The following NRXN3 variants were observed in gnomAD, a reference collection of about 807,000 sequenced individuals.
NRXN3 encodes neurexin 3, also known as neurexin III.
In NRXN3, 32 loss-of-function variants were observed where a neutral mutation model predicts 137.6. That is an observed-to-expected ratio of 0.23 (90% CI 0.18 to 0.31). The LOEUF is 0.31. Ranked by LOEUF, NRXN3 falls within the 10% of genes least tolerant of loss-of-function variation. The pLI is 1.00. For missense variants in NRXN3, 1,574 were observed against 2,062.5 expected, an observed-to-expected ratio of 0.76 and a Z score of 4.59; for synonymous variants, 798 against 784.5, an observed-to-expected ratio of 1.02 and a Z score of -0.29.
At chr14:78,245,444 C>T (rs1167754612) in intron 2 of NRXN3, among the ~76,000 whole-genome samples, 1 of 152,102 alleles carries the variant, frequency 6.6e-6, no homozygotes, top group Non-Finnish European at 1.5e-5. Context: ...TGGGTGGTGC[C>T]AGGTGGGTGT....
At chr14:78,654,571 G>C (rs374738139) in intron 6 of NRXN3, among the ~76,000 whole-genome samples, 30 of 152,300 alleles carry the variant, frequency 2.0e-4, no homozygotes, top group African/African-American at 7.0e-4. Flanking sequence ...ACTTGTGTGC[G>C]TACTTCCTAA....
intron 3 of NRXN3, chr14:78,282,395 C>T (rs2074528863): frequency 3.1e-6 from 1 of 317,846 alleles, no homozygotes; most frequent in African/African-American, 2.2e-5. Flanking sequence ...CTTCTCCCTC[C>T]TGCCTGGAGG....
At chr14:79,584,034 G>T (rs1186842092) in intron 16 of NRXN3, among the ~76,000 whole-genome samples, 1 of 152,192 alleles carries the variant, frequency 6.6e-6, no homozygotes, top group Non-Finnish European at 1.5e-5. Context: ...AGTCATCATA[G>T]ACTTGCAATC....
intron 2 of NRXN3, among the ~76,000 whole-genome samples, chr14:78,246,053 C>T (rs2067627560): frequency 6.6e-6 from 1 of 152,224 alleles, no homozygotes; most frequent in Non-Finnish European, 1.5e-5. Context: ...CCCAAAGGAT[C>T]TGTTCTGTTC....
At chr14:78,835,277 G>T (rs1436560780) in intron 10 of NRXN3, among the ~76,000 whole-genome samples, 2 of 152,174 alleles carry the variant, frequency 1.3e-5, no homozygotes, top group African/African-American at 4.8e-5. Flanking sequence ...CACCCCGTAT[G>T]GGATTTACGC....
chr14:78,394,546 G>A lies in NRXN3; in HGVS notation c.757+96686G>A, dbSNP rs1229442694. On this transcript the variant is annotated intron_variant, in intron 4 of 20. Coordinates refer to ENST00000335750, the MANE Select transcript of NRXN3 (RefSeq NM_001330195.2). ...GATGTGTAGTTTTCTTTTTTGTACCGTTTTTGTCTCATTTTGGTATCACGA... is the reference window on the plus strand; with the variant it reads ...GATGTGTAGTTTTCTTTTTTGTACCATTTTTGTCTCATTTTGGTATCACGA... Among the ~76,000 whole-genome samples the A allele has an allele frequency of 2.0e-5, 3 of 151,536 alleles. 1 individual carries two copies. Among genetic ancestry groups the A allele is most frequent in the South Asian group, 4.2e-4 (2 of 4,806 alleles).
chr14:78,948,572 C>T (rs1407896618), intron 10 of NRXN3, among the ~76,000 whole-genome samples: 6 of 150,924 alleles, frequency 4.0e-5, no homozygotes, highest in South Asian at 4.2e-4. Context: ...CTGCTGGAAG[C>T]GCATACAAAT....
intron 15 of NRXN3, among the ~76,000 whole-genome samples, chr14:79,053,506 C>T (rs1464975776): frequency 1.3e-5 from 2 of 151,958 alleles, no homozygotes. Flanking sequence ...GAAGAAAGGT[C>T]AAAAGAAAGG....
intron 16 of NRXN3, among the ~76,000 whole-genome samples, chr14:79,529,604 T>G (rs1296534179): frequency 1.3e-5 from 2 of 152,242 alleles, no homozygotes; most frequent in Non-Finnish European, 2.9e-5. Flanking sequence ...ATAGCAATTT[T>G]TCAAGTGTGT....
chr14:79,606,771 G>A (rs1430761725), intron 16 of NRXN3, among the ~76,000 whole-genome samples: 1 of 152,152 alleles, frequency 6.6e-6, no homozygotes, highest in Non-Finnish European at 1.5e-5. Flanking sequence ...GGTTTTCAAG[G>A]AACTCAGTCA....
intron 9 of NRXN3, among the ~76,000 whole-genome samples, chr14:78,806,890 T>G (rs888091877): frequency 6.6e-6 from 1 of 152,236 alleles, no homozygotes; most frequent in African/African-American, 2.4e-5. Context: ...AATCTCATGA[T>G]AATTTTGTGA....
intron 4 of NRXN3, among the ~76,000 whole-genome samples, chr14:78,564,319 G>A (rs1248818123): frequency 6.6e-6 from 1 of 152,186 alleles, no homozygotes; most frequent in Non-Finnish European, 1.5e-5. Context: ...GTTTGGCTCT[G>A]TCAAGAGCAA....
At chr14:78,708,826 A>G (rs560066362) in intron 6 of NRXN3, among the ~76,000 whole-genome samples, 4 of 152,338 alleles carry the variant, frequency 2.6e-5, no homozygotes, top group Admixed American at 2.6e-4. Flanking sequence ...ACGCTGTGCC[A>G]TCTGCTATTG....
At position 78,243,319 on chromosome 14, in the gene NRXN3, C is replaced by T. The variant is rs1431800155; in HGVS notation, c.226C>T (p.Leu76=). Residue 76 remains leucine, a synonymous_variant, in exon 2 of 21, where the codon CTA becomes TTA. Transcript: ENST00000335750. The surrounding 1 kb of genome is among the most constrained non-coding windows in gnomAD (Gnocchi z 4.2). ...GGATGATGGCGGCGTCTGCGACTTC[C>T]TATGCCTCTCCCTGGTGGATGGCCG... ...YLDDGGVCDF[L]CLSLVDGRVQ... 2 of 1,559,472 alleles carry T rather than the reference C, an allele frequency of 1.3e-6. No individual in the cohort carries two copies. The highest frequency in any genetic ancestry group is 1.7e-6 in the Non-Finnish European group (2 of 1,160,170).
chr14:78,681,239 A>C (rs1018567789), intron 6 of NRXN3, among the ~76,000 whole-genome samples: 1 of 152,208 alleles, frequency 6.6e-6, no homozygotes, highest in Non-Finnish European at 1.5e-5. Flanking sequence ...GGAATCTGTC[A>C]GTTCTTAATG....
intron 6 of NRXN3, chr14:78,697,982 A>C (rs1382908456): frequency 6.6e-6 from 1 of 152,034 alleles, no homozygotes; most frequent in Non-Finnish European, 1.5e-5. Context: ...GGCAAGAAAT[A>C]CTTTGTAATT....
intron 10 of NRXN3, among the ~76,000 whole-genome samples, chr14:78,944,210 G>A (rs887942732): frequency 6.6e-6 from 1 of 152,048 alleles, no homozygotes; most frequent in Non-Finnish European, 1.5e-5. Context: ...TTCACTTCTG[G>A]CTACAAAAAT....
At chr14:79,138,366 A>G (rs1218699660) in intron 15 of NRXN3, among the ~76,000 whole-genome samples, 2 of 152,186 alleles carry the variant, frequency 1.3e-5, no homozygotes, top group Non-Finnish European at 2.9e-5. Flanking sequence ...TATTGCCCAG[A>G]CTGCTTTCTA....
chr14:79,657,657 A>G (rs1329855920), intron 16 of NRXN3, among the ~76,000 whole-genome samples: 1 of 152,216 alleles, frequency 6.6e-6, no homozygotes, highest in Admixed American at 6.5e-5. Flanking sequence ...AATAGCCACA[A>G]AAAGAGCGCA....
Sources: allele counts gnomAD v4.1 joint callset (sites outside exome capture counted in the v4.1 genomes callset), GRCh38; gene constraint gnomAD v4.1.1; non-coding constraint Gnocchi (gnomAD v3.1); transcripts MANE v1.5; gene names NCBI Gene and HGNC (gene_info 2026-07-23, HGNC 2026-07-21).